Variants in NEDD9 observed in about 807,000 individuals in gnomAD.
The protein encoded by NEDD9 is enhancer of filamentation 1.
A neutral mutation model predicts 76.6 loss-of-function variants in NEDD9; 26 were observed. The observed-to-expected ratio is 0.34, with a 90% CI of 0.25 to 0.47. The LOEUF is 0.47. NEDD9 is among the 20% of genes least tolerant of loss of function. The probability of loss-of-function intolerance (pLI) is 1.00; values close to 1 mark genes in which losing one functional copy is unlikely to be tolerated. For missense variants in NEDD9, 937 were observed against 1,058.5 expected, an observed-to-expected ratio of 0.89 and a Z score of 1.59; for synonymous variants, 392 against 414.2, an observed-to-expected ratio of 0.95 and a Z score of 0.65.
At chr6:11,266,711 G>A (rs1760208518) in intron 3 of NEDD9, among the ~76,000 whole-genome samples, 1 of 152,100 alleles carries the variant, frequency 6.6e-6, no homozygotes, top group Admixed American at 6.5e-5. Flanking sequence ...AGTGGTCTGA[G>A]TCTAAGCCAG....
At chr6:11,352,906 C>T (rs1474549457) in intron 1 of NEDD9, 1 of 152,238 alleles carries the variant, frequency 6.6e-6, no homozygotes, top group Non-Finnish European at 1.5e-5. Context: ...AATAGCAACT[C>T]TTTGGCAGAG....
upstream of NEDD9, among the ~76,000 whole-genome samples, chr6:11,236,438 G>T (rs535855162): frequency 1.3e-5 from 2 of 152,332 alleles, no homozygotes; most frequent in African/African-American, 4.8e-5. This position sits in a 1 kb window ranked among gnomAD's most constrained non-coding sequence, Gnocchi z 5.5. Context: ...TCAAGAGGAG[G>T]CTAGAAAGAA....
At chr6:11,255,529 G>A (rs750740924) in intron 3 of NEDD9, among the ~76,000 whole-genome samples, 30 of 152,116 alleles carry the variant, frequency 2.0e-4, no homozygotes, top group Non-Finnish European at 1.0e-4. Context: ...CCTGGGAGGA[G>A]AAGATCTAAG....
rs73445024 is a variant in NEDD9 at position 11,215,688 on chromosome 6, C to T, written c.13-1961G>A. On this transcript the variant is annotated intron_variant, in intron 1 of 6. Transcript: ENST00000379446. ...CTGACCACTCTGGCCTCTGTCTGTCCCTTTCTTCTGGGCCCATTCAGCAAT... is the reference window on the plus strand; with the variant it reads ...CTGACCACTCTGGCCTCTGTCTGTCTCTTTCTTCTGGGCCCATTCAGCAAT... 6.2e-3 allele frequency among the ~76,000 whole-genome samples: 949 copies of T among 152,298 alleles called. 8 individuals are homozygous for T. Among genetic ancestry groups the T allele is most frequent in the African/African-American group, 0.022 (906 of 41,544 alleles).
chr6:11,189,469 G>A (rs1758072600), intron 5 of NEDD9, among the ~76,000 whole-genome samples: 1 of 152,186 alleles, frequency 6.6e-6, no homozygotes, highest in Admixed American at 6.5e-5. Flanking sequence ...ACACAGAGTA[G>A]GGCTAGCAGG....
intron 2 of NEDD9, among the ~76,000 whole-genome samples, chr6:11,318,353 G>C (rs1490781018): frequency 6.6e-6 from 1 of 152,162 alleles, no homozygotes; most frequent in Admixed American, 6.5e-5. Context: ...AAATAGAAAA[G>C]AAGGAAGGAA....
At chr6:11,326,065 G>C (rs1761919980) in intron 2 of NEDD9, among the ~76,000 whole-genome samples, 1 of 150,752 alleles carries the variant, frequency 6.6e-6, no homozygotes, top group South Asian at 2.1e-4. Flanking sequence ...AGAATCTCTT[G>C]AACCCTGGAG....
chr6:11,261,341 C>T (rs1231149001), intron 3 of NEDD9, among the ~76,000 whole-genome samples: 1 of 152,176 alleles, frequency 6.6e-6, no homozygotes, highest in Non-Finnish European at 1.5e-5. Context: ...GGATAAGTAA[C>T]TTTCTCCCTG....
chr6:11,277,034 CA>C (rs1760432030), intron 3 of NEDD9, among the ~76,000 whole-genome samples: 1 of 152,062 alleles, frequency 6.6e-6, no homozygotes, highest in African/African-American at 2.4e-5. Context: ...AGTGTACCAG[CA>C]CAGTACAAGA....
At chr6:11,282,922 T>C (rs1760564926) in intron 3 of NEDD9, among the ~76,000 whole-genome samples, 1 of 152,252 alleles carries the variant, frequency 6.6e-6, no homozygotes. Flanking sequence ...GCTTGGAATA[T>C]ACAGAAAAGT....
At chr6:11,346,746 A>G (rs1762373087) in intron 1 of NEDD9, among the ~76,000 whole-genome samples, 2 of 152,148 alleles carry the variant, frequency 1.3e-5, no homozygotes, top group African/African-American at 4.8e-5. Flanking sequence ...TCACTCAGCC[A>G]GTAGCTGCTT....
chr6:11,311,843 A>G (rs559766141), intron 2 of NEDD9, among the ~76,000 whole-genome samples: 3 of 152,112 alleles, frequency 2.0e-5, no homozygotes, highest in African/African-American at 4.8e-5. Flanking sequence ...TCCCTCACCA[A>G]CCGGGCTCTT....
chr6:11,332,712 A>AT (rs999602407), intron 2 of NEDD9, among the ~76,000 whole-genome samples: 1 of 152,162 alleles, frequency 6.6e-6, no homozygotes, highest in African/African-American at 2.4e-5. Context: ...TCTGGAACTG[A>AT]TTCTTCTGCT....
intron 3 of NEDD9, among the ~76,000 whole-genome samples, chr6:11,290,823 T>A (rs1032082103): frequency 2.0e-5 from 3 of 152,194 alleles, no homozygotes; most frequent in Admixed American, 2.0e-4. Context: ...AAGGGGCAGC[T>A]AACATCTCTC....
At chr6:11,336,940 G>T (rs1481977109) in intron 1 of NEDD9, among the ~76,000 whole-genome samples, 1 of 152,140 alleles carries the variant, frequency 6.6e-6, no homozygotes, top group Non-Finnish European at 1.5e-5. Context: ...TGCCTTCTTG[G>T]CTGGGCGCGG....
chr6:11,233,946 T>C (rs1259339624), upstream of NEDD9, among the ~76,000 whole-genome samples: 1 of 151,894 alleles, frequency 6.6e-6, no homozygotes, highest in African/African-American at 2.4e-5. Flanking sequence ...ACACACAAAT[T>C]CCCAATGGAT....
intron 1 of NEDD9, chr6:11,382,042 G>C (rs532182313): frequency 1.3e-5 from 2 of 152,320 alleles, no homozygotes; most frequent in East Asian, 3.9e-4. Flanking sequence ...GTTCACAGTG[G>C]GGAAACACCA....
intron 3 of NEDD9, among the ~76,000 whole-genome samples, chr6:11,278,923 T>G (rs1297661772): frequency 6.8e-6 from 1 of 146,182 alleles, no homozygotes; most frequent in African/African-American, 2.5e-5. Context: ...GATAAAGAGT[T>G]AAAAAAAAAA....
At chr6:11,336,592 A>C (rs1762165815) in intron 1 of NEDD9, among the ~76,000 whole-genome samples, 1 of 152,216 alleles carries the variant, frequency 6.6e-6, no homozygotes, top group Non-Finnish European at 1.5e-5. Context: ...GCTCTGGGTG[A>C]GTCAGTGAGT....
Sources: gnomAD v4.1 joint callset for allele counts (sites outside exome capture counted in the v4.1 genomes callset) on GRCh38, gnomAD v4.1.1 for gene constraint, Gnocchi (gnomAD v3.1) non-coding constraint, MANE v1.5 for transcripts, NCBI Gene and HGNC (gene_info 2026-07-23, HGNC 2026-07-21) for gene names.